Variants in TSR2 observed in about 807,000 individuals in gnomAD.
The protein encoded by TSR2 is pre-rRNA-processing protein TSR2 homolog.
A neutral mutation model predicts 13.3 loss-of-function variants in TSR2; 1 was observed. The ratio of observed to expected loss-of-function variants is 0.08; its 90% CI spans 0.03 to 0.36. TSR2 has a LOEUF of 0.36. Ranked by LOEUF, TSR2 falls within the 10% of genes least tolerant of loss-of-function variation. The pLI, the probability that TSR2 is intolerant of heterozygous loss-of-function variation, is 0.99. For missense variants in TSR2, 120 were observed against 151.1 expected (o/e 0.79, Z 1.08); for synonymous variants, 60 against 57.7 (o/e 1.04, Z -0.18).
chrX:54,440,492 C>G lies in TSR2; in HGVS notation c.71C>G (p.Pro24Arg), dbSNP rs1271082320. The change falls in exon 1 of 5, where the codon CCG becomes CGG. Residue 24 changes from proline to arginine, a missense_variant. Pro to Arg is a moderately radical substitution (Grantham distance 103). Transcript: ENST00000375151. ...AGVCAALEAWPALQIAVENGF... is the reference protein window; with the variant it reads ...AGVCAALEAWRALQIAVENGF... ...GTCTGCGCGGCCCTGGAGGCCTGGC[C>G]GGCCTTGCAGGTCAGTGGGGCCAGG... 7.9e-6 allele frequency: 9 copies of G among 1,138,470 alleles called. No individual in the cohort carries two copies. The highest frequency in any genetic ancestry group is 1.0e-5 in the Non-Finnish European group (9 of 862,324). The allele number at this position is 1,138,470 out of a possible 1,213,427, so 93.8% of individuals were successfully genotyped here. A position where few individuals can be genotyped will look rare whatever the true frequency, so the allele number is the denominator to read the frequency against.
intron 2 of TSR2, among the ~76,000 whole-genome samples, chrX:54,442,032 TC>T (rs1452530074): frequency 8.9e-6 from 1 of 112,232 alleles, no homozygotes; most frequent in African/African-American, 3.2e-5. Flanking sequence ...TCATTAGCTT[TC>T]TATGGATAGT....
At chrX:54,443,274 A>G (rs2147415184) in intron 2 of TSR2, 126 bp from the exon 3 acceptor site, 1 of 486,323 alleles carries the variant, frequency 2.1e-6, no homozygotes, top group South Asian at 3.2e-5. Flanking sequence ...ACTTTAGCAG[A>G]TAAAAGGCTC....
In TSR2 at chrX:54,444,468, A is replaced by C; in HGVS notation, c.494A>C (p.Glu165Ala). The C allele has an allele frequency of 4.1e-6, 5 of 1,211,064 alleles. No homozygotes were observed. The highest frequency in any genetic ancestry group is 5.6e-6 in the Non-Finnish European group (5 of 894,884). ...AATDGVCPQP[E>A]PSDPDAQTIK... The stretch of plus-strand genomic sequence containing the variant: ...ACAGATGGGGTCTGCCCCCAGCCTG[A>C]ACCCTCTGATCCAGACGCTCAGACT... The change falls in exon 5 of 5, where the codon GAA becomes GCA. Residue 165 changes from glutamate to alanine, a missense_variant. Glu to Ala is a moderately radical substitution (Grantham distance 107). Coordinates refer to ENST00000375151, the MANE Select transcript of TSR2 (RefSeq NM_058163.3).
chrX:54,444,035 C>T lies in TSR2; in HGVS notation c.292C>T (p.His98Tyr), dbSNP rs750227646. ...QVSQQLQTMF[H>Y]HFQRGDGAAL... ...GAGCCAGCAACTGCAGACCATGTTC[C>T]ACCACTTCCAGAGGGGTGATGGGGC... is the stretch of plus-strand genomic sequence containing the variant. The change falls in exon 4 of 5, where the codon CAC becomes TAC. Residue 98 changes from histidine to tyrosine, a missense_variant. Physicochemically the swap from His to Tyr is moderately conservative, Grantham distance 83. Around this residue, in one of 3 missense-constraint regions of TSR2, gnomAD observed 12 missense variants for 37.5 expected, o/e 0.32. Transcript: ENST00000375151. 2.1e-5 allele frequency: 25 copies of T among 1,209,032 alleles called. No individual in the cohort carries two copies. The highest frequency in any genetic ancestry group is 2.5e-5 in the Non-Finnish European group (22 of 894,894).
chrX:54,441,261 C>T (rs995269348), intron 2 of TSR2, among the ~76,000 whole-genome samples: 1 of 111,277 alleles, frequency 9.0e-6, no homozygotes, highest in Non-Finnish European at 1.9e-5. Context: ...TAGCACATTT[C>T]GATTTGGCCT....
rs190626603 is a variant in TSR2 at position 54,447,246 on chromosome X, G to A, written c.*2696G>A. 2.2e-4 allele frequency: 249 copies of A among 1,129,594 alleles called. 2 individuals carry two copies. The Admixed American group carries it at 5.4e-3, about 24-fold the overall frequency. 93.1% of individuals were successfully genotyped at this position (1,129,594 alleles called of 1,213,427 possible). A position where few individuals can be genotyped will look rare whatever the true frequency, so the allele number is the denominator to read the frequency against. On this transcript the variant is annotated 3_prime_UTR_variant, in exon 5 of 5. Coordinates refer to ENST00000375151, the MANE Select transcript of TSR2 (RefSeq NM_058163.3). ...TCACCTTATCTTCCAAGGCCAAGGA[G>A]AGGTCAAGGACTGGATCTGGCTTTG...
chrX:54,443,290 G>A, intron 2 of TSR2, 110 bp from the exon 3 acceptor site: 1 of 543,000 alleles, frequency 1.8e-6, no homozygotes. Context: ...GGCTCACTGT[G>A]CCTTTACCCA....
rs143882053 is a variant in TSR2, at chrX:54,446,361, G to A, written c.*1811G>A. ...TTCTGTCAGGCCGCTCCCCTGCCTC[G>A]GGCGGTCCCACCTCGAAGCCAATGA... On this transcript the variant is annotated 3_prime_UTR_variant, in exon 5 of 5. Coordinates refer to ENST00000375151, the MANE Select transcript of TSR2 (RefSeq NM_058163.3). 45 of 1,209,440 alleles carry A rather than the reference G, an allele frequency of 3.7e-5. No individual in the cohort carries two copies. The African/African-American group carries it at 5.1e-4, about 14-fold the overall frequency.
chrX:54,440,815 TG>T (rs758639071), intron 2 of TSR2, 35 bp downstream of exon 2: 52 of 1,091,423 alleles, frequency 4.8e-5, no homozygotes, highest in Non-Finnish European at 6.2e-5. Context: ...CCCGCCTGTG[TG>T]GGGGTGTGGA....
chrX:54,446,518 C>A lies in TSR2; in HGVS notation c.*1968C>A. The A allele has an allele frequency of 2.7e-6, 2 of 751,247 alleles. No individual in the cohort carries two copies. Among genetic ancestry groups the A allele is most frequent in the South Asian group, 5.1e-5 (2 of 39,205 alleles). The allele number at this position is 751,247 out of a possible 1,213,427, so 61.9% of individuals were successfully genotyped here. On this transcript the variant is annotated 3_prime_UTR_variant, in exon 5 of 5. Coordinates refer to ENST00000375151, the MANE Select transcript of TSR2 (RefSeq NM_058163.3). ...TATGCTCTGTCTTCAGTCCCCTACT[C>A]AGGAACTCCCCTACTCAGGAACCTT... is the stretch of plus-strand genomic sequence containing the variant.
chrX:54,443,835 C>G (rs952561345), intron 3 of TSR2, among the ~76,000 whole-genome samples, 173 bp from the exon 4 acceptor site: 1 of 112,025 alleles, frequency 8.9e-6, no homozygotes, highest in African/African-American at 3.2e-5. Flanking sequence ...ATGCTTTAGG[C>G]CTTCATTTGA....
At chrX:54,443,026 G>C (rs186278194) in intron 2 of TSR2, among the ~76,000 whole-genome samples, 121 of 111,596 alleles carry the variant, frequency 1.1e-3, no homozygotes, top group African/African-American at 3.9e-3. Context: ...TAGAGGGGAG[G>C]CTAGTTAGAA....
rs1035176345 is a variant in TSR2, at chrX:54,445,024, C to T, written c.*474C>T. Reference sequence around the variant, plus strand: ...TAGTTGAAAATGTGAATGAAAGTAGCTCTGGAGCCTCTCCCTTACCCCACC... The same window carrying T: ...TAGTTGAAAATGTGAATGAAAGTAGTTCTGGAGCCTCTCCCTTACCCCACC... On this transcript the variant is annotated 3_prime_UTR_variant, in exon 5 of 5. Transcript: ENST00000375151. 3 of 112,005 alleles carry T rather than the reference C, an allele frequency of 2.7e-5. No individual in the cohort carries two copies. Among genetic ancestry groups the T allele is most frequent in the Admixed American group, 9.5e-5 (1 of 10,513 alleles). The allele number at this position is 112,005 out of a possible 1,213,427, so 9.2% of individuals were successfully genotyped here.
At chrX:54,440,823 T>G (rs767500170) in intron 2 of TSR2, 43 bp downstream of exon 2, 1 of 1,047,586 alleles carries the variant, frequency 9.5e-7, no homozygotes, top group Non-Finnish European at 1.3e-6. Flanking sequence ...TGTGGGGGTG[T>G]GGAGAGGAGG....
In TSR2 at chrX:54,446,139, G is replaced by A. The variant is rs748341379; in HGVS notation, c.*1589G>A. Reference sequence around the variant, plus strand: ...TCTTGTCTCGGGTCTGGGGGGATTCGGGGGGTTCAGCAGTGGCTCCTAAAG... The same window carrying A: ...TCTTGTCTCGGGTCTGGGGGGATTCAGGGGGTTCAGCAGTGGCTCCTAAAG... On this transcript the variant is annotated 3_prime_UTR_variant, in exon 5 of 5. Coordinates refer to ENST00000375151, the MANE Select transcript of TSR2 (RefSeq NM_058163.3). 12 of 1,207,095 alleles carry A rather than the reference G, an allele frequency of 9.9e-6. No homozygotes were observed. The highest frequency in any genetic ancestry group is 2.3e-4 in the Middle Eastern group (1 of 4,285).
At chrX:54,440,843 C>A (rs2147413128) in intron 2 of TSR2, 63 bp downstream of exon 2, 10 of 909,471 alleles carry the variant, frequency 1.1e-5, no homozygotes, top group Non-Finnish European at 1.5e-5. Flanking sequence ...GAGCCCCATC[C>A]CGCAGAGCCT....
At chrX:54,442,000 A>G (rs759598582) in intron 2 of TSR2, among the ~76,000 whole-genome samples, 1 of 112,024 alleles carries the variant, frequency 8.9e-6, no homozygotes, top group African/African-American at 3.2e-5. Context: ...GAACCACTAA[A>G]AAACCTGTTT....
At position 54,446,873 on chromosome X, in the gene TSR2, G is replaced by A. The variant is rs1258545512; in HGVS notation, c.*2323G>A. Among the ~76,000 whole-genome samples, 4 of 109,318 alleles carry A rather than the reference G, an allele frequency of 3.7e-5. No homozygotes were observed. The highest frequency in any genetic ancestry group is 5.7e-5 in the Non-Finnish European group (3 of 52,578). The allele number at this position is 109,318 out of a possible 115,157, so 94.9% of individuals were successfully genotyped here. On this transcript the variant is annotated 3_prime_UTR_variant, in exon 5 of 5. Transcript: ENST00000375151. ...TGAGTAGCTGGGACTACAGGCACAC[G>A]TCACCACGCCAGGCTAATTTTTGTA... is the stretch of plus-strand genomic sequence containing the variant.
At position 54,446,460 on chromosome X, in the gene TSR2, T is replaced by C; in HGVS notation, c.*1910T>C. The C allele has an allele frequency of 1.1e-5, 12 of 1,129,962 alleles. No homozygotes were observed. Among genetic ancestry groups the C allele is most frequent in the Non-Finnish European group, 1.4e-5 (12 of 832,682 alleles). The allele number at this position is 1,129,962 out of a possible 1,213,427, so 93.1% of individuals were successfully genotyped here. Reference sequence around the variant, plus strand: ...GCTGGGGCCACCTTGGGGCTAGACCTTTCCCCCGCCCCAGCTTCTAACTGG... The same window carrying C: ...GCTGGGGCCACCTTGGGGCTAGACCCTTCCCCCGCCCCAGCTTCTAACTGG... On this transcript the variant is annotated 3_prime_UTR_variant, in exon 5 of 5. Transcript: ENST00000375151.
Sources: gnomAD v4.1 joint callset for allele counts (sites outside exome capture counted in the v4.1 genomes callset) on GRCh38, gnomAD v4.1.1 for gene constraint, gnomAD v4.1.1 regional missense constraint, MANE v1.5 for transcripts, NCBI Gene and HGNC (gene_info 2026-07-23, HGNC 2026-07-21) for gene names.